DHPS: variants seen among roughly 807,000 people sequenced by gnomAD.
DHPS encodes deoxyhypusine synthase.
In DHPS, 24 loss-of-function variants were observed where a neutral mutation model predicts 38.7. The ratio of observed to expected loss-of-function variants is 0.62; its 90% CI spans 0.45 to 0.87. DHPS has a LOEUF of 0.87. Ranked by LOEUF, DHPS falls within the 40% of genes least tolerant of loss-of-function variation. DHPS has a pLI of 0.00. For synonymous variants in DHPS, 250 were observed against 204.4 expected (o/e 1.22, Z -1.90); for missense variants, 510 against 497.6 (o/e 1.02, Z -0.24).
chr19:12,679,863 C>T lies in DHPS; in HGVS notation c.432G>A (p.Ala144=), dbSNP rs776689877. The part of the protein sequence containing the change: ...GVEEDLIKCL[A]PTYLGEFSLR... ...GGCTAAACTCGCCCAAGTATGTGGG[C>T]GCCAGGCACTTGATGAGGTCTTCCT... Residue 144 remains alanine (A), a synonymous_variant, in exon 3 of 9, where the codon GCG becomes GCA. Transcript: ENST00000210060. The T allele has an allele frequency of 1.4e-5, 23 of 1,614,020 alleles. No individual in the cohort carries two copies. Among genetic ancestry groups the T allele is most frequent in the Admixed American group, 5.0e-5 (3 of 59,990 alleles).
At chr19:12,678,891 A>G (rs1236543440) in intron 5 of DHPS, among the ~76,000 whole-genome samples, 2 of 142,308 alleles carry the variant, frequency 1.4e-5, no homozygotes, top group Non-Finnish European at 3.0e-5. Flanking sequence ...TGGGACCCTG[A>G]GCCAGGCCCC....
chr19:12,680,356 C>T (rs755023298), intron 1 of DHPS, 31 bp from the exon 2 acceptor site: 15 of 1,613,000 alleles, frequency 9.3e-6, no homozygotes, highest in Non-Finnish European at 1.2e-5. Flanking sequence ...AAGTTAAGCA[C>T]TGGCCTTAAA....
At chr19:12,675,124 G>A (rs1238588156), downstream of DHPS, among the ~76,000 whole-genome samples, 3 of 149,100 alleles carry the variant, frequency 2.0e-5, no homozygotes, top group South Asian at 2.1e-4. Context: ...AAAAAAAACA[G>A]AAAAAGAAAA....
Position 12,675,823 on chromosome 19 carries a change from TG to T in DHPS, c.*14del, listed in dbSNP as rs770861818. 24 of 1,579,198 alleles carry T rather than the reference TG, an allele frequency of 1.5e-5. No homozygotes were observed. The highest frequency in any genetic ancestry group is 2.0e-5 in the Non-Finnish European group (23 of 1,160,968). On this transcript the variant is annotated 3_prime_UTR_variant, in exon 9 of 9. Transcript: ENST00000210060. The stretch of plus-strand genomic sequence containing the variant: ...AATAGAAGAGGGGGTAAGACCTTCC[TG>T]GGACCGCAGCCGCTCAGTCCTCGTT...
chr19:12,677,047 A>G lies in DHPS; in HGVS notation c.888+61T>C, dbSNP rs1191727734. The G allele has an allele frequency of 2.8e-5, 42 of 1,508,566 alleles. No individual in the cohort carries two copies. The Admixed American group carries it at 5.5e-4, about 20-fold the overall frequency. The allele number at this position is 1,508,566 out of a possible 1,614,324, so 93.4% of individuals were successfully genotyped here. On this transcript the variant is annotated intron_variant, in intron 7 of 8. Transcript: ENST00000210060. Reference sequence around the variant, plus strand: ...CTAGTTCATGCTGTCTACCCAGCACATGGCATAGGCCCACCACACAGCATG... The same window carrying G: ...CTAGTTCATGCTGTCTACCCAGCACGTGGCATAGGCCCACCACACAGCATG...
At chr19:12,680,436 C>G (rs1164487744) in intron 1 of DHPS, 111 bp from the exon 2 acceptor site, 23 of 1,157,316 alleles carry the variant, frequency 2.0e-5, no homozygotes, top group Non-Finnish European at 2.8e-5. Context: ...TTCAGGGATA[C>G]AGGACCAGTT....
Position 12,677,099 on chromosome 19 carries a change from C to G in DHPS, c.888+9G>C. 1 of 1,613,704 alleles carries G rather than the reference C, an allele frequency of 6.2e-7. No individual in the cohort carries two copies. Among genetic ancestry groups the G allele is most frequent in the Non-Finnish European group, 8.5e-7 (1 of 1,179,662 alleles). ...CTGCAGAGTGGGCCGAAGCGCCACC[C>G]CCACTCACCATGAGGTTGGCATTGG... is the stretch of plus-strand genomic sequence containing the variant. On this transcript the variant is annotated intron_variant, in intron 7 of 8. Transcript: ENST00000210060.
chr19:12,674,447 C>G (rs2024511152), downstream of DHPS, among the ~76,000 whole-genome samples: 1 of 151,990 alleles, frequency 6.6e-6, no homozygotes, highest in African/African-American at 2.4e-5. Flanking sequence ...TGGAGGGAAC[C>G]GGGGGGGCCC....
downstream of DHPS, chr19:12,673,052 C>G: frequency 2.5e-6 from 4 of 1,613,826 alleles, no homozygotes; most frequent in Non-Finnish European, 2.5e-6. Flanking sequence ...GCAGTGCACC[C>G]TGGTGTCCAG....
intron 1 of DHPS, chr19:12,681,193 G>A: frequency 1.3e-5 from 16 of 1,228,764 alleles, no homozygotes; most frequent in Non-Finnish European, 1.7e-5. Flanking sequence ...TTCCCCGCTG[G>A]GAAAAGCAAA....
chr19:12,675,634 C>T (rs201667605), downstream of DHPS: 234 of 1,602,068 alleles, frequency 1.5e-4, no homozygotes, highest in Admixed American at 2.7e-4. Flanking sequence ...CCAGTGCTGG[C>T]GAGAGGAGGC....
At chr19:12,679,598 C>T in intron 4 of DHPS, 25 bp downstream of exon 4, 1 of 1,614,078 alleles carries the variant, frequency 6.2e-7, no homozygotes, top group South Asian at 1.1e-5. Flanking sequence ...ACTGAACTGG[C>T]CCCTCCAGGT....
intron 5 of DHPS, among the ~76,000 whole-genome samples, chr19:12,678,768 C>CAAAAAA (rs1183531365): frequency 2.2e-5 from 1 of 46,332 alleles, no homozygotes; most frequent in Non-Finnish European, 3.6e-5. Flanking sequence ...GACTCTGTCT[C>CAAAAAA]AAAAAAAAAA....
rs776632963 is a variant in DHPS at position 12,681,655 on chromosome 19, G to C, written c.112C>G (p.Arg38Gly). The C allele has an allele frequency of 7.4e-6, 12 of 1,614,230 alleles. No individual in the cohort carries two copies. In the South Asian group the frequency reaches 1.3e-4, roughly 18 times the overall value. ...STQVRGYDFN[R>G]GVNYRALLEA... ...AGCAGTGCGCGGTAATTCACACCGC[G>C]GTTGAAGTCGTAGCCCCGGACCTGG... The change falls in exon 1 of 9, where the codon CGC becomes GGC. Residue 38 changes from arginine to glycine, a missense_variant. By Grantham distance (125) the Arg-to-Gly change is moderately radical. Coordinates refer to ENST00000210060, the MANE Select transcript of DHPS (RefSeq NM_001930.4).
At chr19:12,679,047 G>C (rs1392885437) in intron 5 of DHPS, among the ~76,000 whole-genome samples, 1 of 152,016 alleles carries the variant, frequency 6.6e-6, no homozygotes, top group Non-Finnish European at 1.5e-5. Context: ...TGTAATCCCA[G>C]CACTTTGGGA....
At chr19:12,672,518 G>T, downstream of DHPS, 1 of 339,942 alleles carries the variant, frequency 2.9e-6, no homozygotes, top group South Asian at 2.9e-5. Context: ...TGAGGAAGGA[G>T]AATCTCTTGA....
chr19:12,673,037 G>T (rs1286671979), downstream of DHPS: 1 of 1,613,834 alleles, frequency 6.2e-7, no homozygotes, highest in Non-Finnish European at 8.5e-7. Context: ...CTTCAGCCGG[G>T]ATGGGCAGTG....
At position 12,681,837 on chromosome 19, in the gene DHPS, A is replaced by C; in HGVS notation, c.-71T>G. 1 of 1,347,810 alleles carries C rather than the reference A, an allele frequency of 7.4e-7. No homozygotes were observed. Among genetic ancestry groups the C allele is most frequent in the South Asian group, 1.2e-5 (1 of 83,118 alleles). 83.5% of individuals were successfully genotyped at this position (1,347,810 alleles called of 1,614,324 possible). On this transcript the variant is annotated 5_prime_UTR_variant, in exon 1 of 9. Transcript: ENST00000210060. ...TTACGGCGGCCCAGAAACGCGTTAA[A>C]CCCCGACGCGCGCGTCTCCGCAAGA...
chr19:12,677,243 A>T (rs1265128377), intron 6 of DHPS, 32 bp from the exon 7 acceptor site: 2 of 1,613,722 alleles, frequency 1.2e-6, no homozygotes, highest in Non-Finnish European at 1.7e-6. Flanking sequence ...CAGGCCTTGG[A>T]CTCAGCCAGC....
Sources: gnomAD v4.1 joint callset for allele counts (sites outside exome capture counted in the v4.1 genomes callset) on GRCh38, gnomAD v4.1.1 for gene constraint, MANE v1.5 for transcripts, NCBI Gene and HGNC (gene_info 2026-07-23, HGNC 2026-07-21) for gene names.